Variants in DST observed in about 807,000 individuals in gnomAD.
DST encodes the protein dystonin.
DST carries 253 observed loss-of-function variants against 875.2 expected under a neutral mutation model. The observed-to-expected ratio is 0.29, with a 90% CI of 0.26 to 0.32. The LOEUF is 0.32. DST is among the 10% of genes least tolerant of loss of function. DST has a pLI of 1.00. For missense variants in DST, 8,287 were observed against 9,111.6 expected (o/e 0.91, Z 3.68); for synonymous variants, 3,124 against 3,197.1 (o/e 0.98, Z 0.77).
intron 102 of DST, 120 bp from the exon 103 acceptor site, chr6:56,460,374 G>A: frequency 1.0e-6 from 1 of 973,146 alleles, no homozygotes; most frequent in Admixed American, 2.4e-5. Flanking sequence ...GGAGGTGAAG[G>A]GGGAGAAACT....
At chr6:56,532,253 T>C (rs2152516444) in intron 64 of DST, 91 bp downstream of exon 64, 1 of 1,165,712 alleles carries the variant, frequency 8.6e-7, no homozygotes, top group Non-Finnish European at 1.2e-6. Flanking sequence ...AGGAAAATCA[T>C]GATTTGAAGT....
intron 4 of DST, among the ~76,000 whole-genome samples, chr6:56,775,281 A>G (rs1452825954): frequency 2.6e-5 from 4 of 152,142 alleles, no homozygotes; most frequent in African/African-American, 9.7e-5. Flanking sequence ...GTTAAACCCA[A>G]GCACACCTGC....
intron 4 of DST, among the ~76,000 whole-genome samples, chr6:56,798,601 T>G (rs1015090317): frequency 4.7e-4 from 72 of 152,320 alleles, no homozygotes; most frequent in African/African-American, 1.7e-3. Flanking sequence ...CCTAATAGCA[T>G]AACATCCGTT....
intron 4 of DST, among the ~76,000 whole-genome samples, chr6:56,839,624 T>C (rs2099797600): frequency 2.0e-5 from 3 of 152,174 alleles, no homozygotes; most frequent in Admixed American, 2.0e-4. Context: ...CTGAAACCTG[T>C]ATACTCCAAT....
intron 4 of DST, among the ~76,000 whole-genome samples, chr6:56,752,450 C>G (rs954013313): frequency 1.3e-5 from 2 of 152,116 alleles, no homozygotes; most frequent in African/African-American, 4.8e-5. Flanking sequence ...CATTTTCATC[C>G]CCCAACAAAG....
chr6:56,611,727 C>G, intron 37 of DST, 131 bp from the exon 38 acceptor site: 1 of 635,432 alleles, frequency 1.6e-6, no homozygotes, highest in Admixed American at 2.9e-5. Context: ...AAGTGAATAA[C>G]CTATCAGTTA....
chr6:56,871,094 C>T (rs972147552), intron 3 of DST: 2 of 537,784 alleles, frequency 3.7e-6, no homozygotes, highest in Non-Finnish European at 6.7e-6. Flanking sequence ...GAAGAGAAAA[C>T]ATATATGGCT....
At chr6:56,516,786 T>C (rs2096603392) in intron 71 of DST, among the ~76,000 whole-genome samples, 1 of 152,170 alleles carries the variant, frequency 6.6e-6, no homozygotes, top group African/African-American at 2.4e-5. Context: ...TTATACAAAA[T>C]GGATTTCAGC....
chr6:56,933,499 T>C (rs1811341482), intron 2 of DST, among the ~76,000 whole-genome samples: 1 of 152,170 alleles, frequency 6.6e-6, no homozygotes, highest in South Asian at 2.1e-4. Context: ...TGTTTGGCCT[T>C]ACCGTGCCAG....
chr6:56,494,003 C>A lies in DST; in HGVS notation c.20394+7G>T. On this transcript the variant is annotated splice_region_variant and intron_variant, in intron 83 of 103. Coordinates refer to ENST00000680361, the MANE Select transcript of DST (RefSeq NM_001374736.1). ...ACTGATTCTATTATATTAATCAAAG[C>A]ACATACTTTCCTTTCATTGAGTTTG... 6.4e-7 allele frequency: 1 copy of A among 1,573,804 alleles called. No homozygotes were observed. The highest frequency in any genetic ancestry group is 8.6e-7 in the Non-Finnish European group (1 of 1,158,414).
chr6:56,509,570 A>G lies in DST; in HGVS notation c.19012+72T>C, dbSNP rs116835505. The G allele has an allele frequency of 0.036, 42,781 of 1,180,252 alleles. 1,025 individuals are homozygous for G. The highest frequency in any genetic ancestry group is 0.045 in the Non-Finnish European group (36,950 of 818,600). The allele number at this position is 1,180,252 out of a possible 1,614,324, so 73.1% of individuals were successfully genotyped here. A position where few individuals can be genotyped will look rare whatever the true frequency, so the allele number is the denominator to read the frequency against. ...TTAAGATGCGGCATTTTGTTATCCA[A>G]TTGGACGGTGAGTAAACCGCATAAA... On this transcript the variant is annotated intron_variant, in intron 74 of 103. Transcript: ENST00000680361.
At chr6:56,821,819 C>T (rs768145903) in intron 4 of DST, among the ~76,000 whole-genome samples, 8 of 152,146 alleles carry the variant, frequency 5.3e-5, no homozygotes, top group Non-Finnish European at 1.2e-4. Context: ...TATGACCCAA[C>T]TTTAATATTT....
intron 9 of DST, among the ~76,000 whole-genome samples, chr6:56,686,424 C>T (rs897899725): frequency 2.6e-5 from 4 of 152,126 alleles, no homozygotes; most frequent in Non-Finnish European, 5.9e-5. Context: ...GCACATGTAC[C>T]CACTGAATCT....
intron 76 of DST, 35 bp from the exon 77 acceptor site, chr6:56,506,579 T>C: frequency 6.2e-7 from 1 of 1,607,958 alleles, no homozygotes; most frequent in Non-Finnish European, 8.5e-7. Flanking sequence ...TTTAGTGCCA[T>C]ATTTTAAACT....
chr6:56,576,903 T>C (rs2097875128), intron 50 of DST, among the ~76,000 whole-genome samples: 1 of 152,176 alleles, frequency 6.6e-6, no homozygotes, highest in Non-Finnish European at 1.5e-5. Flanking sequence ...TTGTTTAAGC[T>C]ACCCAGCCGA....
chr6:56,902,621 T>G (rs978318437), intron 2 of DST, among the ~76,000 whole-genome samples: 1 of 152,246 alleles, frequency 6.6e-6, no homozygotes, highest in African/African-American at 2.4e-5. Flanking sequence ...GGTCATTGTT[T>G]GGGCTCTCCT....
rs763581063 is a variant in DST, at chr6:56,605,485, G to A, written c.9143C>T (p.Thr3048Ile). The change falls in exon 40 of 104, where the codon ACA becomes ATA. Residue 3048 changes from threonine to isoleucine, a missense_variant. This residue lies in a region of DST where 3,138 missense variants were observed against 3,116.6 expected (regional missense o/e 1.01). Coordinates refer to ENST00000680361, the MANE Select transcript of DST (RefSeq NM_001374736.1). ...ACCCAAGTACATTTTCTGAATTGATGTTTCATCTTCTATTAGAATATCACT... is the reference window on the plus strand; with the variant it reads ...ACCCAAGTACATTTTCTGAATTGATATTTCATCTTCTATTAGAATATCACT... The part of the protein sequence containing the change: ...GKSDILIEDE[T>I]SIQKMYLGEG... 7.4e-6 allele frequency: 12 copies of A among 1,612,742 alleles called. No individual in the cohort carries two copies. Among genetic ancestry groups the A allele is most frequent in the South Asian group, 1.1e-5 (1 of 91,042 alleles).
intron 5 of DST, among the ~76,000 whole-genome samples, chr6:56,732,653 A>C (rs1027927890): frequency 6.6e-6 from 1 of 152,234 alleles, no homozygotes; most frequent in African/African-American, 2.4e-5. Flanking sequence ...ATAAACTTTT[A>C]AAAATTGACC....
At position 56,560,281 on chromosome 6, in the gene DST, T is replaced by C; in HGVS notation, c.14440+13A>G. The C allele has an allele frequency of 1.3e-6, 2 of 1,585,452 alleles. No individual in the cohort carries two copies. The highest frequency in any genetic ancestry group is 1.7e-6 in the Non-Finnish European group (2 of 1,165,016). On this transcript the variant is annotated intron_variant, in intron 58 of 103. Transcript: ENST00000680361. ...TTTTCTTCATAGGCATTCATCTAAG[T>C]AACGCAACATACCTATTTCTGTCAA...
Sources: allele counts gnomAD v4.1 joint callset (sites outside exome capture counted in the v4.1 genomes callset), GRCh38; gene constraint gnomAD v4.1.1; regional missense constraint gnomAD v4.1.1; transcripts MANE v1.5; gene names NCBI Gene and HGNC (gene_info 2026-07-23, HGNC 2026-07-21).